Variants in ITPRID2 observed in about 807,000 individuals in gnomAD.
The protein encoded by ITPRID2 is protein ITPRID2.
In ITPRID2, 60 loss-of-function variants were observed where a neutral mutation model predicts 124.3. The observed-to-expected ratio is 0.48, with a 90% CI of 0.39 to 0.60. ITPRID2 has a LOEUF of 0.60. Among genes scored for constraint, ITPRID2 ranks in the 20% least tolerant of loss-of-function variants. The probability of loss-of-function intolerance (pLI) is 0.00; values close to 1 mark genes in which losing one functional copy is unlikely to be tolerated. For synonymous variants in ITPRID2, 521 were observed against 542.9 expected (o/e 0.96, Z 0.56); for missense variants, 1,553 against 1,512.2 (o/e 1.03, Z -0.45).
intron 6 of ITPRID2, among the ~76,000 whole-genome samples, chr2:181,900,230 C>T (rs1692546232): frequency 6.6e-6 from 1 of 152,162 alleles, no homozygotes. Context: ...AGCTTGTTAT[C>T]TTTATTGTTC....
At position 181,892,601 on chromosome 2, in the gene ITPRID2, C is replaced by A; in HGVS notation, c.212-14C>A. The A allele has an allele frequency of 6.2e-7, 1 of 1,614,146 alleles. No individual in the cohort carries two copies. Among genetic ancestry groups the A allele is most frequent in the Non-Finnish European group, 8.5e-7 (1 of 1,180,012 alleles). On this transcript the variant is annotated splice_polypyrimidine_tract_variant and intron_variant, in intron 1 of 17. Transcript: ENST00000431877. This position sits in a 1 kb window ranked among gnomAD's most constrained non-coding sequence, Gnocchi z 5.2. ...CCTGGGTGGTAACGTGCTGTCCCCTCTCTCTACCCCCAGGAAACGTGCCCA... is the reference window on the plus strand; with the variant it reads ...CCTGGGTGGTAACGTGCTGTCCCCTATCTCTACCCCCAGGAAACGTGCCCA...
chr2:181,925,594 A>T (rs1694787888), intron 16 of ITPRID2, among the ~76,000 whole-genome samples: 2 of 150,350 alleles, frequency 1.3e-5, no homozygotes, highest in Admixed American at 6.6e-5. Context: ...GTGCTTTCTC[A>T]CTCTCTCATT....
chr2:181,913,564 A>G (rs1052135692), intron 9 of ITPRID2, among the ~76,000 whole-genome samples: 5 of 152,212 alleles, frequency 3.3e-5, no homozygotes, highest in Admixed American at 2.6e-4. Context: ...TGGATTTACC[A>G]AAATAGATTA....
At position 181,915,414 on chromosome 2, in the gene ITPRID2, G is replaced by C. The variant is rs1440706070; in HGVS notation, c.1774G>C (p.Gly592Arg). 3.1e-6 allele frequency: 5 copies of C among 1,613,988 alleles called. No homozygotes were observed. The highest frequency in any genetic ancestry group is 3.3e-5 in the Admixed American group (2 of 59,996). ...AGCAGTTGCAGACAAAAGAAAATCA[G>C]GTAGCCAGGATTTCCCTCAGTGCAA... The part of the protein sequence containing the change: ...AAAVADKRKS[G>R]SQDFPQCNTI... Residue 592 changes from glycine (G) to arginine (R), a missense_variant, in exon 11 of 18, where the codon GGT (glycine) becomes CGT (arginine). Transcript: ENST00000431877.
chr2:181,920,569 C>T, intron 14 of ITPRID2, 28 bp from the exon 15 acceptor site: 2 of 1,540,502 alleles, frequency 1.3e-6, no homozygotes, highest in South Asian at 1.1e-5. Flanking sequence ...CACACATATA[C>T]ATATATATAT....
Position 181,892,321 on chromosome 2 carries a change from G to A in ITPRID2, c.211+44G>A, listed in dbSNP as rs1396494174. ...GCTCCGGGGGGAGGCTGGTGGGCTG[G>A]GGAGAGTCTCGTGCGCCCTGGGCGC... On this transcript the variant is annotated intron_variant, in intron 1 of 17. Transcript: ENST00000431877. This position sits in a 1 kb window ranked among gnomAD's most constrained non-coding sequence, Gnocchi z 5.2. The A allele has an allele frequency of 9.3e-6, 14 of 1,506,966 alleles. No homozygotes were observed. The highest frequency in any genetic ancestry group is 1.3e-5 in the South Asian group (1 of 78,336). The allele number at this position is 1,506,966 out of a possible 1,614,324, so 93.3% of individuals were successfully genotyped here.
At position 181,922,008 on chromosome 2, in the gene ITPRID2, G is replaced by C. The variant is rs1345774442; in HGVS notation, c.3271G>C (p.Glu1091Gln). 6.2e-7 allele frequency: 1 copy of C among 1,614,222 alleles called. No homozygotes were observed. Among genetic ancestry groups the C allele is most frequent in the Non-Finnish European group, 8.5e-7 (1 of 1,180,034 alleles). Residue 1091 changes from glutamate (E) to glutamine (Q), a missense_variant, in exon 16 of 18, where the codon GAA becomes CAA. Glu to Gln is a conservative substitution (Grantham distance 29). Transcript: ENST00000431877. Reference protein sequence around the residue: ...LKSELGLGLGEMGFEIPPGES... With the variant: ...LKSELGLGLGQMGFEIPPGES... ...GTCTGAATTGGGCCTGGGACTTGGA[G>C]AAATGGGATTTGAAATTCCTCCTGG...
Position 181,898,926 on chromosome 2 carries a change from A to G in ITPRID2, c.404+7A>G. 3 of 1,610,276 alleles carry G rather than the reference A, an allele frequency of 1.9e-6. No individual in the cohort carries two copies. The highest frequency in any genetic ancestry group is 2.5e-6 in the Non-Finnish European group (3 of 1,176,806). On this transcript the variant is annotated splice_region_variant and intron_variant, in intron 5 of 17. Coordinates refer to ENST00000431877, the MANE Select transcript of ITPRID2 (RefSeq NM_001130445.3). ...ATGCTCAAATTGAAAACTGGTATGT[A>G]GCTGTTTTGTTCTATTTCTTTTAAA...
In ITPRID2 at chr2:181,902,789, A is replaced by G. The variant is rs1692779315; in HGVS notation, c.1413+323A>G. On this transcript the variant is annotated intron_variant, in intron 8 of 17. Coordinates refer to ENST00000431877, the MANE Select transcript of ITPRID2 (RefSeq NM_001130445.3). The surrounding 1 kb of genome is among the most constrained non-coding windows in gnomAD (Gnocchi z 4.4). ...ATATTTAAATTCAAAGCAATATTGCATAATAGTTAGAAACACAGGCTTTGA... is the reference window on the plus strand; with the variant it reads ...ATATTTAAATTCAAAGCAATATTGCGTAATAGTTAGAAACACAGGCTTTGA... Among the ~76,000 whole-genome samples, 1 of 152,240 alleles carries G rather than the reference A, an allele frequency of 6.6e-6. No individual in the cohort carries two copies. Among genetic ancestry groups the G allele is most frequent in the Admixed American group, 6.5e-5 (1 of 15,288 alleles).
Position 181,910,404 on chromosome 2 carries a change from G to A in ITPRID2, c.1486+433G>A, listed in dbSNP as rs924394690. ...TCTAGCAAAACCCACCAATTTTTTA[G>A]CAATAGTTAAAGCTAGTTAAATTCA... On this transcript the variant is annotated intron_variant, in intron 9 of 17. Coordinates refer to ENST00000431877, the MANE Select transcript of ITPRID2 (RefSeq NM_001130445.3). This position sits in a 1 kb window ranked among gnomAD's most constrained non-coding sequence, Gnocchi z 4.1. The A allele has an allele frequency of 3.9e-6, 2 of 512,408 alleles. No homozygotes were observed. Among genetic ancestry groups the A allele is most frequent in the East Asian group, 3.2e-5 (1 of 30,790 alleles). The allele number at this position is 512,408 out of a possible 1,614,324, so 31.7% of individuals were successfully genotyped here. A position where few individuals can be genotyped will look rare whatever the true frequency, so the allele number is the denominator to read the frequency against.
At chr2:181,914,577 T>C (rs1169939099) in intron 10 of ITPRID2, among the ~76,000 whole-genome samples, 2 of 152,102 alleles carry the variant, frequency 1.3e-5, no homozygotes, top group Non-Finnish European at 2.9e-5. Context: ...ACAGAAACAC[T>C]GGGAGATGGA....
rs1440913986 is a variant in ITPRID2 at position 181,902,850 on chromosome 2, ATGAC to A, written c.1413+387_1413+390del. 5.9e-5 allele frequency among the ~76,000 whole-genome samples: 9 copies of A among 152,334 alleles called. No homozygotes were observed. Among genetic ancestry groups the A allele is most frequent in the Admixed American group, 4.6e-4 (7 of 15,298 alleles). ...GGCTTTGAGTTTTGTCTGCCACTGA[ATGAC>A]TGTATGCCTTTGGGCAAGCTTTTCT... On this transcript the variant is annotated intron_variant, in intron 8 of 17. Transcript: ENST00000431877. This position sits in a 1 kb window ranked among gnomAD's most constrained non-coding sequence, Gnocchi z 4.4.
Position 181,898,904 on chromosome 2 carries a change from C to T in ITPRID2, c.389C>T (p.Ala130Val). The T allele has an allele frequency of 6.2e-7, 1 of 1,611,888 alleles. No individual in the cohort carries two copies. The highest frequency in any genetic ancestry group is 8.5e-7 in the Non-Finnish European group (1 of 1,178,206). Residue 130 changes from alanine to valine, a missense_variant, in exon 5 of 18, where the codon GCT becomes GTT. Transcript: ENST00000431877. The part of the protein sequence containing the change: ...AEANHLHESD[A>V]QIENCNNILA... The stretch of plus-strand genomic sequence containing the variant: ...GCCAACCACCTCCATGAAAGTGATG[C>T]TCAAATTGAAAACTGGTATGTAGCT...
chr2:181,929,112 G>A (rs77278954), intron 17 of ITPRID2, among the ~76,000 whole-genome samples: 4,394 of 151,502 alleles, frequency 0.029, 191 homozygotes, highest in Admixed American at 0.13. Context: ...TTGTAGAGAT[G>A]GGGTCTTGCT....
chr2:181,892,717 G>A lies in ITPRID2; in HGVS notation c.257+57G>A. The A allele has an allele frequency of 6.2e-7, 1 of 1,604,434 alleles. No individual in the cohort carries two copies. Among genetic ancestry groups the A allele is most frequent in the Non-Finnish European group, 8.5e-7 (1 of 1,172,202 alleles). On this transcript the variant is annotated intron_variant, in intron 2 of 17. Coordinates refer to ENST00000431877, the MANE Select transcript of ITPRID2 (RefSeq NM_001130445.3). The surrounding 1 kb of genome is among the most constrained non-coding windows in gnomAD (Gnocchi z 5.2). ...GGGAGATCCGTGCGGACGGGACGCC[G>A]GAGCAGAGCCACTCGGGCCGCGTCC...
At position 181,910,961 on chromosome 2, in the gene ITPRID2, T is replaced by C. The variant is rs2125088140; in HGVS notation, c.1486+990T>C. Reference sequence around the variant, plus strand: ...CATGGTCATCAAGAAGTGTTTGCTTTAGATAGGTAGACAGGGGATACATTG... The same window carrying C: ...CATGGTCATCAAGAAGTGTTTGCTTCAGATAGGTAGACAGGGGATACATTG... On this transcript the variant is annotated intron_variant, in intron 9 of 17. Transcript: ENST00000431877. The surrounding 1 kb of genome is among the most constrained non-coding windows in gnomAD (Gnocchi z 4.1). 6.6e-6 allele frequency among the ~76,000 whole-genome samples: 1 copy of C among 152,302 alleles called. No individual in the cohort carries two copies. Among genetic ancestry groups the C allele is most frequent in the Middle Eastern group, 3.4e-3 (1 of 294 alleles).
chr2:181,928,452 T>G (rs1216645300), intron 17 of ITPRID2, among the ~76,000 whole-genome samples, 174 bp downstream of exon 17: 1 of 152,188 alleles, frequency 6.6e-6, no homozygotes, highest in Non-Finnish European at 1.5e-5. Flanking sequence ...GAAGTGTAAG[T>G]CAAATCCCAT....
At chr2:181,898,028 T>C (rs1042424404) in intron 4 of ITPRID2, among the ~76,000 whole-genome samples, 1 of 152,060 alleles carries the variant, frequency 6.6e-6, no homozygotes, top group African/African-American at 2.4e-5. Flanking sequence ...TATTGAATGA[T>C]TTTATTGGAA....
chr2:181,928,340 T>C, intron 17 of ITPRID2, 62 bp downstream of exon 17: 2 of 1,053,114 alleles, frequency 1.9e-6, no homozygotes, highest in Non-Finnish European at 1.4e-6. Flanking sequence ...TTTTATTCTT[T>C]GTTTTGTTAG....
Sources: gnomAD v4.1 joint callset for allele counts (sites outside exome capture counted in the v4.1 genomes callset) on GRCh38, gnomAD v4.1.1 for gene constraint, Gnocchi (gnomAD v3.1) non-coding constraint, MANE v1.5 for transcripts, NCBI Gene and HGNC (gene_info 2026-07-23, HGNC 2026-07-21) for gene names.